The following ADK variants were observed in gnomAD, a reference collection of about 807,000 sequenced individuals.
ADK encodes adenosine kinase.
Under a neutral mutation model 44.7 loss-of-function variants are expected in ADK, and 24 were observed. The ratio of observed to expected loss-of-function variants is 0.54; its 90% CI spans 0.39 to 0.76. The LOEUF (loss-of-function observed/expected upper bound fraction) is 0.76. Ranked by LOEUF, ADK falls within the 30% of genes least tolerant of loss-of-function variation. The pLI, the probability that ADK is intolerant of heterozygous loss-of-function variation, is 0.00. For synonymous variants in ADK, 128 were observed against 142.6 expected, an observed-to-expected ratio of 0.90 and a Z score of 0.73; for missense variants, 321 against 425.1, an observed-to-expected ratio of 0.76 and a Z score of 2.15.
intron 1 of ADK, among the ~76,000 whole-genome samples, chr10:74,165,358 G>A (rs1383545763): frequency 6.6e-6 from 1 of 152,086 alleles, no homozygotes; most frequent in African/African-American, 2.4e-5. Context: ...AGGTAACACA[G>A]TAAGTTACAG....
intron 7 of ADK, among the ~76,000 whole-genome samples, chr10:74,550,046 T>G (rs1170208884): frequency 6.6e-6 from 1 of 151,344 alleles, no homozygotes; most frequent in Non-Finnish European, 1.5e-5. Context: ...CATTGTCACA[T>G]GTTAGCATAA....
chr10:74,299,212 G>T (rs953769241), intron 3 of ADK, among the ~76,000 whole-genome samples: 1 of 151,958 alleles, frequency 6.6e-6, no homozygotes, highest in Non-Finnish European at 1.5e-5. Flanking sequence ...TATATGTGGA[G>T]GCCGGGCACA....
intron 9 of ADK, among the ~76,000 whole-genome samples, chr10:74,606,523 G>C (rs867395030): frequency 3.9e-5 from 6 of 152,142 alleles, no homozygotes; most frequent in Admixed American, 6.5e-5. Context: ...AGATTGTTCA[G>C]TTTCCATGCA....
At chr10:74,466,678 T>G (rs1343032290) in intron 6 of ADK, among the ~76,000 whole-genome samples, 1 of 152,200 alleles carries the variant, frequency 6.6e-6, no homozygotes, top group Non-Finnish European at 1.5e-5. Flanking sequence ...GCTGAACATT[T>G]TTTTGAGGTT....
chr10:74,463,431 C>T (rs377597893), intron 6 of ADK, among the ~76,000 whole-genome samples: 54 of 152,248 alleles, frequency 3.5e-4, no homozygotes, highest in African/African-American at 1.2e-3. Flanking sequence ...TCATAAGGAG[C>T]ACATAAGCTA....
At chr10:74,532,863 T>C (rs1342911081) in intron 7 of ADK, among the ~76,000 whole-genome samples, 1 of 134,736 alleles carries the variant, frequency 7.4e-6, no homozygotes. Flanking sequence ...GAGGTTGCGA[T>C]GAGCCGAGAT....
At chr10:74,371,729 T>C in intron 4 of ADK, 1 of 1,363,782 alleles carries the variant, frequency 7.3e-7, no homozygotes, top group Non-Finnish European at 1.0e-6. Context: ...CTTGTGCCAT[T>C]GTTGCCATTG....
intron 2 of ADK, among the ~76,000 whole-genome samples, chr10:74,217,158 TC>T (rs1445733167): frequency 6.6e-6 from 1 of 152,158 alleles, no homozygotes; most frequent in African/African-American, 2.4e-5. Context: ...ATCGGGTCAT[TC>T]CCACCCGAAT....
intron 2 of ADK, among the ~76,000 whole-genome samples, chr10:74,215,819 A>AT (rs1843992259): frequency 1.6e-5 from 1 of 63,580 alleles, no homozygotes; most frequent in Non-Finnish European, 3.5e-5. Context: ...TGCCTGGCTA[A>AT]TTTTTTTGTA....
chr10:74,488,058 A>G (rs1458686580), intron 6 of ADK, among the ~76,000 whole-genome samples: 1 of 151,994 alleles, frequency 6.6e-6, no homozygotes, highest in East Asian at 1.9e-4. Flanking sequence ...TTTCTTGCCT[A>G]AGATACTTAA....
chr10:74,506,135 A>G (rs1848064957), intron 6 of ADK: 1 of 153,080 alleles, frequency 6.5e-6, no homozygotes. Context: ...TGCCTTTCTT[A>G]TAGCAATTCT....
intron 3 of ADK, among the ~76,000 whole-genome samples, chr10:74,257,500 A>G (rs1314761126): frequency 6.6e-6 from 1 of 152,206 alleles, no homozygotes; most frequent in Non-Finnish European, 1.5e-5. Context: ...AATGAAAAAT[A>G]TGAGTTAATA....
rs1225024635 is a variant in ADK, at chr10:74,708,563, G to A, written c.*118G>A. 23 of 1,178,266 alleles carry A rather than the reference G, an allele frequency of 2.0e-5. No individual in the cohort carries two copies. Among genetic ancestry groups the A allele is most frequent in the Non-Finnish European group, 2.6e-5 (22 of 832,288 alleles). 73.0% of individuals were successfully genotyped at this position (1,178,266 alleles called of 1,614,324 possible). A position where few individuals can be genotyped will look rare whatever the true frequency, so the allele number is the denominator to read the frequency against. Reference sequence around the variant, plus strand: ...CATTTTTTCCTACTATAATAATGCTGAATCTTAATTTAGAGGGTACAAGGG... The same window carrying A: ...CATTTTTTCCTACTATAATAATGCTAAATCTTAATTTAGAGGGTACAAGGG... On this transcript the variant is annotated 3_prime_UTR_variant, in exon 11 of 11. Coordinates refer to ENST00000539909, the MANE Select transcript of ADK (RefSeq NM_006721.4).
intron 9 of ADK, among the ~76,000 whole-genome samples, chr10:74,634,363 C>CG (rs1294194173): frequency 6.6e-6 from 1 of 152,000 alleles, no homozygotes; most frequent in Non-Finnish European, 1.5e-5. Context: ...TACAGGCTCC[C>CG]GCCACCATGC....
intron 6 of ADK, among the ~76,000 whole-genome samples, chr10:74,484,759 G>A (rs2133366653): frequency 6.6e-6 from 1 of 152,328 alleles, no homozygotes; most frequent in Non-Finnish European, 1.5e-5. Flanking sequence ...ATGGGACAGA[G>A]AGGACAGAGA....
intron 1 of ADK, among the ~76,000 whole-genome samples, chr10:74,170,040 TA>T (rs1355215867): frequency 6.6e-6 from 1 of 152,206 alleles, no homozygotes; most frequent in Non-Finnish European, 1.5e-5. Context: ...GGCTGCACAC[TA>T]TTTTAGGGAG....
At chr10:74,641,640 A>T (rs1853845766) in intron 9 of ADK, 1 of 152,260 alleles carries the variant, frequency 6.6e-6, no homozygotes, top group Non-Finnish European at 1.5e-5. Context: ...ATTCAGGCCC[A>T]TTACTACATA....
intron 4 of ADK, among the ~76,000 whole-genome samples, chr10:74,363,758 C>G (rs1345548607): frequency 1.3e-5 from 2 of 151,968 alleles, no homozygotes; most frequent in African/African-American, 4.8e-5. Flanking sequence ...TCCAGCAGAT[C>G]TCTGCACAGA....
At chr10:74,602,475 G>A (rs1852176072) in intron 9 of ADK, among the ~76,000 whole-genome samples, 1 of 152,262 alleles carries the variant, frequency 6.6e-6, no homozygotes, top group African/African-American at 2.4e-5. Flanking sequence ...TACTGTACAA[G>A]TGTCTTCCTT....
Sources: gnomAD v4.1 joint callset for allele counts (sites outside exome capture counted in the v4.1 genomes callset) on GRCh38, gnomAD v4.1.1 for gene constraint, MANE v1.5 for transcripts, NCBI Gene and HGNC (gene_info 2026-07-23, HGNC 2026-07-21) for gene names.